ABCB4: variants seen among roughly 807,000 people sequenced by gnomAD.
ABCB4 encodes the protein phosphatidylcholine translocator ABCB4.
Under a neutral mutation model 145.7 loss-of-function variants are expected in ABCB4, and 76 were observed. That is an observed-to-expected ratio of 0.52 (90% CI 0.43 to 0.63). The LOEUF is 0.63. Among genes scored for constraint, ABCB4 ranks in the 30% least tolerant of loss-of-function variants. ABCB4 has a pLI of 0.00. For missense variants in ABCB4, 1,234 were observed against 1,553.1 expected, an observed-to-expected ratio of 0.79 and a Z score of 3.45; for synonymous variants, 517 against 566.8, an observed-to-expected ratio of 0.91 and a Z score of 1.25.
At chr7:87,463,917 C>T (rs1812673654) in intron 3 of ABCB4, among the ~76,000 whole-genome samples, 1 of 152,176 alleles carries the variant, frequency 6.6e-6, no homozygotes, top group Non-Finnish European at 1.5e-5. Flanking sequence ...TTTTGATTGA[C>T]CCATTTATGG....
chr7:87,391,557 T>C, the ABCB4 span: 6 of 1,575,390 alleles, frequency 3.8e-6, no homozygotes, highest in Non-Finnish European at 5.1e-6. Context: ...ATTTTCTTTC[T>C]TATGATACAC....
Position 87,455,627 on chromosome 7 carries a change from G to A in ABCB4, c.287-1035C>T, listed in dbSNP as rs571108559. ...TGACTTATTTTTATTTTTTAGAAAA[G>A]ACAAATGAAAAAATAAGAAACAGCC... On this transcript the variant is annotated intron_variant, in intron 4 of 27. Coordinates refer to ENST00000649586, the MANE Select transcript of ABCB4 (RefSeq NM_000443.4). Among the ~76,000 whole-genome samples, 8 of 152,096 alleles carry A rather than the reference G, an allele frequency of 5.3e-5. No individual in the cohort carries two copies. The South Asian group carries it at 1.7e-3, about 32-fold the overall frequency.
downstream of ABCB4, among the ~76,000 whole-genome samples, chr7:87,401,400 A>G (rs1233700771): frequency 2.0e-5 from 3 of 152,328 alleles, no homozygotes; most frequent in East Asian, 5.8e-4. Context: ...TTCTGGGAAA[A>G]GTAGTCTATT....
rs1177022821 is a variant in ABCB4, at chr7:87,431,437, C to G, written c.1860G>C (p.Lys620Asn). The change falls in exon 15 of 28, where the codon AAG becomes AAC. Residue 620 changes from lysine (K) to asparagine (N), a missense_variant. Transcript: ENST00000649586. ...EQGSHSELMK[K>N]EGVYFKLVNM... ...TGACAAGTTTGAAGTACACCCCTTC[C>G]TTCTTCATCAGTTCGCTGTGGCTTC... 16 of 1,613,992 alleles carry G rather than the reference C, an allele frequency of 9.9e-6. No individual in the cohort carries two copies. Among genetic ancestry groups the G allele is most frequent in the Non-Finnish European group, 1.4e-5 (16 of 1,179,982 alleles).
intron 3 of ABCB4, among the ~76,000 whole-genome samples, chr7:87,467,683 A>G (rs549995388): frequency 6.6e-6 from 1 of 152,390 alleles, no homozygotes; most frequent in African/African-American, 2.4e-5. Flanking sequence ...AACAGAAATT[A>G]TAACAAACTG....
the ABCB4 span, chr7:87,377,402 C>T: frequency 6.2e-7 from 1 of 1,611,500 alleles, no homozygotes; most frequent in Non-Finnish European, 8.5e-7. Context: ...GTGACAAATC[C>T]TATAACTTGA....
chr7:87,397,486 G>T (rs1332752300), downstream of ABCB4, among the ~76,000 whole-genome samples: 1 of 152,178 alleles, frequency 6.6e-6, no homozygotes, highest in African/African-American at 2.4e-5. Context: ...TGTAGGAAAG[G>T]CTGTTCTTTA....
rs1299898932 is a variant in ABCB4, at chr7:87,409,192, T to C, written c.3081+44A>G. 5.6e-6 allele frequency: 9 copies of C among 1,612,040 alleles called. No individual in the cohort carries two copies. In the South Asian group the frequency reaches 8.8e-5, roughly 16 times the overall value. On this transcript the variant is annotated intron_variant, in intron 24 of 27. Transcript: ENST00000649586. Reference sequence around the variant, plus strand: ...CTATAATCTAGCAGACAGCAAACCTTAGGGAAAAATTGATCAAGCATCATC... The same window carrying C: ...CTATAATCTAGCAGACAGCAAACCTCAGGGAAAAATTGATCAAGCATCATC...
rs760517202 is a variant in ABCB4, at chr7:87,402,124, C to T, written c.3812G>A (p.Ser1271Asn). Residue 1271 changes from serine (S) to asparagine (N), a missense_variant, in exon 28 of 28, where the codon AGT becomes AAT. Ser to Asn is a conservative substitution (Grantham distance 46). Around this residue, in one of 7 missense-constraint regions of ABCB4, gnomAD observed 58 missense variants for 75.9 expected, o/e 0.76. Transcript: ENST00000649586. ...AQKGIYFSMV[S>N]VQAGTQNL ...TAAGTTCTGTGTCCCAGCCTGGACA[C>T]TGACCATTGAAAAATAGATGCCTTT... 24 of 1,613,960 alleles carry T rather than the reference C, an allele frequency of 1.5e-5. No individual in the cohort carries two copies. Among genetic ancestry groups the T allele is most frequent in the Admixed American group, 5.0e-5 (3 of 60,006 alleles).
chr7:87,404,618 C>T lies in ABCB4; in HGVS notation c.3487-1337G>A, dbSNP rs560058193. 3.3e-5 allele frequency among the ~76,000 whole-genome samples: 5 copies of T among 152,180 alleles called. No homozygotes were observed. In the South Asian group the frequency reaches 1.0e-3, roughly 32 times the overall value. ...AAACATTTACAAACTACATATCCAA[C>T]AGTAATTACAATATGTTAAACAAAC... is the stretch of plus-strand genomic sequence containing the variant. On this transcript the variant is annotated intron_variant, in intron 26 of 27. Coordinates refer to ENST00000649586, the MANE Select transcript of ABCB4 (RefSeq NM_000443.4).
At chr7:87,397,588 T>G (rs1049769858), downstream of ABCB4, among the ~76,000 whole-genome samples, 1 of 152,208 alleles carries the variant, frequency 6.6e-6, no homozygotes, top group African/African-American at 2.4e-5. Flanking sequence ...GCTAAATATC[T>G]GGGAATTCCA....
intron 3 of ABCB4, among the ~76,000 whole-genome samples, chr7:87,469,102 A>G (rs1260208401): frequency 1.3e-5 from 2 of 152,166 alleles, no homozygotes; most frequent in African/African-American, 2.4e-5. Flanking sequence ...ACAGCATATA[A>G]ACAGAACCAA....
intron 21 of ABCB4, among the ~76,000 whole-genome samples, chr7:87,415,846 G>A (rs76548001): frequency 1.3e-5 from 2 of 152,328 alleles, no homozygotes; most frequent in African/African-American, 2.4e-5. Flanking sequence ...TTTCTATCAT[G>A]TAACTTGTCT....
chr7:87,423,818 C>T, intron 17 of ABCB4, 88 bp downstream of exon 17: 1 of 1,554,144 alleles, frequency 6.4e-7, no homozygotes, highest in South Asian at 1.1e-5. Flanking sequence ...TGCTTAATCC[C>T]AGAATGGAGC....
At chr7:87,398,760 TAAGAA>T, downstream of ABCB4, 15 of 956,430 alleles carry the variant, frequency 1.6e-5, no homozygotes, top group Non-Finnish European at 2.1e-5. Context: ...TTTAACAAGT[TAAGAA>T]AACTTGTTAA....
the ABCB4 span, among the ~76,000 whole-genome samples, chr7:87,383,757 A>G: frequency 2.0e-5 from 3 of 152,090 alleles, no homozygotes; most frequent in African/African-American, 7.2e-5. Flanking sequence ...TTGGCCTCCC[A>G]AAGTGCTGGG....
chr7:87,369,346 G>T, the ABCB4 span: 1 of 1,478,352 alleles, frequency 6.8e-7, no homozygotes, highest in South Asian at 1.2e-5. Flanking sequence ...CCTTAGATTT[G>T]AGTCTTGTGT....
intron 14 of ABCB4, among the ~76,000 whole-genome samples, chr7:87,434,095 ATTTT>A (rs756063095): frequency 8.5e-6 from 1 of 118,062 alleles, no homozygotes. Context: ...CACCTGGCTA[ATTTT>A]TTTTTTTTTT....
chr7:87,389,472 A>G, the ABCB4 span, among the ~76,000 whole-genome samples: 4 of 152,338 alleles, frequency 2.6e-5, no homozygotes, highest in East Asian at 1.9e-4. Context: ...TGTCCTTTGC[A>G]GGGACATGGA....
Sources: allele counts gnomAD v4.1 joint callset (sites outside exome capture counted in the v4.1 genomes callset), GRCh38; gene constraint gnomAD v4.1.1; regional missense constraint gnomAD v4.1.1; transcripts MANE v1.5; gene names NCBI Gene and HGNC (gene_info 2026-07-23, HGNC 2026-07-21).